Variants in DBT observed in about 807,000 individuals in gnomAD.
The protein encoded by DBT is dihydrolipoamide branched chain transacylase E2.
DBT carries 40 observed loss-of-function variants against 51.3 expected under a neutral mutation model. The ratio of observed to expected loss-of-function variants is 0.78; its 90% CI spans 0.61 to 1.02. DBT has a LOEUF of 1.02. Among genes scored for constraint, DBT ranks in the 50% least tolerant of loss-of-function variants. The pLI is 0.00. For synonymous variants in DBT, 181 were observed against 190.4 expected (o/e 0.95, Z 0.41); for missense variants, 510 against 580.2 (o/e 0.88, Z 1.24).
intron 7 of DBT, chr1:100,211,186 C>A: frequency 1.3e-6 from 1 of 764,178 alleles, no homozygotes; most frequent in South Asian, 1.4e-5. Flanking sequence ...GAACACGTAA[C>A]GAGGATTTCA....
rs1373598798 is a variant in DBT at position 100,194,696 on chromosome 1, C to G, written c.*1559G>C. 6.6e-6 allele frequency: 1 copy of G among 152,252 alleles called. No individual in the cohort carries two copies. The highest frequency in any genetic ancestry group is 1.5e-5 in the Non-Finnish European group (1 of 68,134). The allele number at this position is 152,252 out of a possible 1,614,324, so 9.4% of individuals were successfully genotyped here. On this transcript the variant is annotated 3_prime_UTR_variant, in exon 11 of 11. Transcript: ENST00000370132. ...ATCTCACTATGTTGCCCAGGCTGGT[C>G]TCAAACTCCTGGCCTCAAGTGATCC...
chr1:100,210,415 A>G (rs1285144490), intron 8 of DBT: 2 of 205,236 alleles, frequency 9.7e-6, no homozygotes, highest in Non-Finnish European at 1.9e-5. Context: ...TGAGAGGGTA[A>G]GTAGAGTGGG....
At position 100,244,712 on chromosome 1, in the gene DBT, G is replaced by T. The variant is rs1208216735; in HGVS notation, c.52-3828C>A. Among the ~76,000 whole-genome samples, 3 of 151,938 alleles carry T rather than the reference G, an allele frequency of 2.0e-5. No homozygotes were observed. In the East Asian group the frequency reaches 5.8e-4, roughly 29 times the overall value. ...TTTATAAATCAGACACAGTAAGACA[G>T]TAATAATAATAACTGATAATAAAAT... On this transcript the variant is annotated intron_variant, in intron 1 of 10. Transcript: ENST00000370132.
intron 5 of DBT, 94 bp downstream of exon 5, chr1:100,218,532 G>T: frequency 7.5e-7 from 1 of 1,333,252 alleles, no homozygotes; most frequent in South Asian, 1.2e-5. Flanking sequence ...TAATTTCATT[G>T]AGCTATTTCA....
chr1:100,199,364 A>G (rs957783799), intron 10 of DBT, among the ~76,000 whole-genome samples: 2 of 152,240 alleles, frequency 1.3e-5, no homozygotes, highest in Non-Finnish European at 2.9e-5. Context: ...TGTTTAAAAT[A>G]ACATTTTCAA....
rs1660754710 is a variant in DBT at position 100,190,372 on chromosome 1, C to T, written c.*5883G>A. The stretch of plus-strand genomic sequence containing the variant: ...CCTACATTACTTCAACCCATATACC[C>T]ATATTCTAATAGTTACAAATAAATG... On this transcript the variant is annotated 3_prime_UTR_variant, in exon 11 of 11. Transcript: ENST00000370132. The T allele has an allele frequency of 6.6e-6, 1 of 152,174 alleles. No homozygotes were observed. The highest frequency in any genetic ancestry group is 2.1e-4 in the South Asian group (1 of 4,826). The allele number at this position is 152,174 out of a possible 1,614,324, so 9.4% of individuals were successfully genotyped here. A position where few individuals can be genotyped will look rare whatever the true frequency, so the allele number is the denominator to read the frequency against.
chr1:100,201,944 C>G (rs949427631), intron 10 of DBT, among the ~76,000 whole-genome samples: 1 of 152,178 alleles, frequency 6.6e-6, no homozygotes, highest in Non-Finnish European at 1.5e-5. Context: ...GCAGCCACTG[C>G]AAAAGCAACC....
chr1:100,211,031 G>C (rs1242865383), intron 7 of DBT: 3 of 760,416 alleles, frequency 3.9e-6, no homozygotes, highest in Non-Finnish European at 7.2e-6. Context: ...TCAAAATAAT[G>C]ATACAGACCA....
In DBT at chr1:100,188,394, C is replaced by G. The variant is rs1377909890; in HGVS notation, c.*7861G>C. 1 of 152,208 alleles carries G rather than the reference C, an allele frequency of 6.6e-6. No individual in the cohort carries two copies. The highest frequency in any genetic ancestry group is 2.4e-5 in the African/African-American group (1 of 41,458). The allele number at this position is 152,208 out of a possible 1,614,324, so 9.4% of individuals were successfully genotyped here. ...AGCTGACTGCACTCTTAGAACTTCT[C>G]TACAGACTTTATGATCTTTTTGGAC... On this transcript the variant is annotated 3_prime_UTR_variant, in exon 11 of 11. Transcript: ENST00000370132.
intron 7 of DBT, among the ~76,000 whole-genome samples, chr1:100,213,976 T>G (rs1222274890): frequency 2.0e-5 from 3 of 147,718 alleles, no homozygotes; most frequent in African/African-American, 5.0e-5. Flanking sequence ...AAGAGAGAGA[T>G]AATGTATACA....
chr1:100,206,309 T>TAAAA lies in DBT; in HGVS notation c.1210-9_1210-8insTTTT. On this transcript the variant is annotated splice_polypyrimidine_tract_variant and intron_variant, in intron 9 of 10. Transcript: ENST00000370132. Reference sequence around the variant, plus strand: ...GGCAAAGGTACCACCAATCTATTTTTTAAAAAAAAAAAAAGGAGAGTATTA... The same window carrying TAAAA: ...GGCAAAGGTACCACCAATCTATTTTTAAAATAAAAAAAAAAAAAGGAGAGTATTA... 6.9e-7 allele frequency: 1 copy of TAAAA among 1,449,694 alleles called. No individual in the cohort carries two copies. Among genetic ancestry groups the TAAAA allele is most frequent in the South Asian group, 1.2e-5 (1 of 84,778 alleles). The allele number at this position is 1,449,694 out of a possible 1,614,324, so 89.8% of individuals were successfully genotyped here.
intron 8 of DBT, chr1:100,210,412 G>T (rs1662070296): frequency 5.0e-6 from 1 of 198,994 alleles, no homozygotes; most frequent in Non-Finnish European, 1.0e-5. Context: ...TTTTGAGAGG[G>T]TAAGTAGAGT....
At chr1:100,205,849 T>A (rs989011205) in intron 10 of DBT, among the ~76,000 whole-genome samples, 13 of 152,128 alleles carry the variant, frequency 8.5e-5, no homozygotes, top group Admixed American at 3.9e-4. Flanking sequence ...CACTGCATGT[T>A]CTCACTCATA....
intron 10 of DBT, among the ~76,000 whole-genome samples, chr1:100,199,517 A>G (rs1293169003): frequency 6.6e-6 from 1 of 152,222 alleles, no homozygotes; most frequent in African/African-American, 2.4e-5. Context: ...AACAACCCAG[A>G]TCGCCACCAT....
chr1:100,216,228 A>G (rs2100800094), intron 5 of DBT, 29 bp from the exon 6 acceptor site: 2 of 1,462,708 alleles, frequency 1.4e-6, no homozygotes, highest in Middle Eastern at 2.0e-4. Flanking sequence ...TAATGCCAAA[A>G]ATACAACTAT....
chr1:100,205,092 A>G (rs1449903384), intron 10 of DBT, among the ~76,000 whole-genome samples: 1 of 152,246 alleles, frequency 6.6e-6, no homozygotes, highest in Non-Finnish European at 1.5e-5. Flanking sequence ...CAACAAAGCC[A>G]AAATTGACAA....
At chr1:100,208,910 C>CAAA (rs11369687) in intron 8 of DBT, among the ~76,000 whole-genome samples, 6 of 109,418 alleles carry the variant, frequency 5.5e-5, no homozygotes, top group Admixed American at 1.0e-4. Flanking sequence ...GACTCTGTAT[C>CAAA]AAAAAAAAAA....
At chr1:100,217,188 T>C (rs998021843) in intron 5 of DBT, among the ~76,000 whole-genome samples, 6 of 152,174 alleles carry the variant, frequency 3.9e-5, no homozygotes, top group Non-Finnish European at 7.4e-5. Flanking sequence ...TACCCAAGTA[T>C]TCTATACCCA....
chr1:100,249,628 C>A (rs925424931), intron 1 of DBT, 142 bp downstream of exon 1: 1 of 856,062 alleles, frequency 1.2e-6, no homozygotes, highest in Admixed American at 1.8e-5. Context: ...GTTCTCTGCC[C>A]TTTATTTTGC....
Sources: gnomAD v4.1 joint callset for allele counts (sites outside exome capture counted in the v4.1 genomes callset) on GRCh38, gnomAD v4.1.1 for gene constraint, MANE v1.5 for transcripts, NCBI Gene and HGNC (gene_info 2026-07-23, HGNC 2026-07-21) for gene names.